AP3B1: variants seen among roughly 807,000 people sequenced by gnomAD.
AP3B1 encodes the protein adaptor related protein complex 3 subunit beta 1.
Under a neutral mutation model 132.5 loss-of-function variants are expected in AP3B1, and 61 were observed. The observed-to-expected ratio is 0.46, with a 90% CI of 0.37 to 0.57. AP3B1 has a LOEUF of 0.57. Among genes scored for constraint, AP3B1 ranks in the 20% least tolerant of loss-of-function variants. The pLI, the probability that AP3B1 is intolerant of heterozygous loss-of-function variation, is 0.00. For missense variants in AP3B1, 1,120 were observed against 1,289.4 expected, an observed-to-expected ratio of 0.87 and a Z score of 2.01; for synonymous variants, 388 against 438.3, an observed-to-expected ratio of 0.89 and a Z score of 1.43.
chr5:78,124,209 G>A (rs1468853993), intron 17 of AP3B1, among the ~76,000 whole-genome samples: 28 of 152,118 alleles, frequency 1.8e-4, no homozygotes, highest in Admixed American at 1.5e-3. Flanking sequence ...GGGGTGGGGC[G>A]AGTGGGGAGG....
chr5:78,212,117 TA>T (rs1745764843), intron 7 of AP3B1, among the ~76,000 whole-genome samples: 1 of 152,096 alleles, frequency 6.6e-6, no homozygotes, highest in South Asian at 2.1e-4. Context: ...CCATCTCTAC[TA>T]AAAATACAAA....
At chr5:78,270,577 A>G (rs1393442845) in intron 1 of AP3B1, among the ~76,000 whole-genome samples, 4 of 152,142 alleles carry the variant, frequency 2.6e-5, no homozygotes, top group Non-Finnish European at 5.9e-5. Flanking sequence ...ATAGAGAACC[A>G]CTCCAATAAA....
chr5:78,199,355 G>C (rs529249247), intron 7 of AP3B1, among the ~76,000 whole-genome samples: 1 of 151,974 alleles, frequency 6.6e-6, no homozygotes, highest in African/African-American at 2.4e-5. Flanking sequence ...TAGGTCTAAG[G>C]GTTTCAAGAC....
intron 17 of AP3B1, among the ~76,000 whole-genome samples, chr5:78,118,535 C>T (rs767040895): frequency 6.6e-6 from 1 of 152,210 alleles, no homozygotes; most frequent in African/African-American, 2.4e-5. Context: ...TATCCCACAC[C>T]TGGCTCAGAG....
intron 3 of AP3B1, among the ~76,000 whole-genome samples, chr5:78,228,682 C>T (rs1029889787): frequency 2.3e-4 from 35 of 152,136 alleles, no homozygotes; most frequent in African/African-American, 7.7e-4. Context: ...CAGAGAGACC[C>T]TACCTCTTTA....
rs1422067 is a variant in AP3B1 at position 78,129,012 on chromosome 5, C to T, written c.1837+109G>A. On this transcript the variant is annotated intron_variant, in intron 16 of 26. Transcript: ENST00000255194. Reference sequence around the variant, plus strand: ...TGCTGTTCTTATATATTTATATATGCGAATCATTTATATTTCCTAAGAGAT... The same window carrying T: ...TGCTGTTCTTATATATTTATATATGTGAATCATTTATATTTCCTAAGAGAT... The T allele has an allele frequency of 0.21, 191,879 of 908,108 alleles. 21,622 individuals are homozygous for T. The highest frequency in any genetic ancestry group is 0.28 in the Admixed American group (10,101 of 35,452). 56.3% of individuals were successfully genotyped at this position (908,108 alleles called of 1,614,324 possible). A position where few individuals can be genotyped will look rare whatever the true frequency, so the allele number is the denominator to read the frequency against.
chr5:78,083,188 GTAAA>G (rs1012512945), intron 22 of AP3B1, among the ~76,000 whole-genome samples: 4 of 152,084 alleles, frequency 2.6e-5, no homozygotes, highest in African/African-American at 9.7e-5. Context: ...TAAATAGTGA[GTAAA>G]TAAATATATT....
intron 13 of AP3B1, among the ~76,000 whole-genome samples, chr5:78,159,810 T>C (rs1339243920): frequency 1.3e-5 from 2 of 152,220 alleles, no homozygotes; most frequent in Non-Finnish European, 2.9e-5. Context: ...TTCTCCTTTA[T>C]GGTACCTCTT....
At chr5:78,249,360 G>A (rs376591922) in intron 2 of AP3B1, among the ~76,000 whole-genome samples, 44 of 152,056 alleles carry the variant, frequency 2.9e-4, no homozygotes, top group Non-Finnish European at 5.2e-4. Flanking sequence ...GTGAGACTCC[G>A]TCTCAAAAAA....
chr5:78,087,024 C>T (rs1750289700), intron 22 of AP3B1, among the ~76,000 whole-genome samples: 1 of 152,186 alleles, frequency 6.6e-6, no homozygotes, highest in South Asian at 2.1e-4. Flanking sequence ...TTCTCACATT[C>T]ATGAGTTCTA....
chr5:78,247,655 T>C (rs925939195), intron 2 of AP3B1, among the ~76,000 whole-genome samples: 3 of 152,120 alleles, frequency 2.0e-5, no homozygotes, highest in African/African-American at 7.2e-5. Context: ...TATAAATAGA[T>C]TCATCTGAAC....
Position 78,294,573 on chromosome 5 carries a change from T to A in AP3B1, c.7A>T (p.Ser3Cys), listed in dbSNP as rs1295261554. 1 of 1,614,142 alleles carries A rather than the reference T, an allele frequency of 6.2e-7. No individual in the cohort carries two copies. Among genetic ancestry groups the A allele is most frequent in the Non-Finnish European group, 8.5e-7 (1 of 1,180,044 alleles). Residue 3 changes from serine to cysteine, a missense_variant, in exon 1 of 27, where the codon AGC becomes TGC. By Grantham distance (112) the Ser-to-Cys change is moderately radical (BLOSUM62 -1). Coordinates refer to ENST00000255194, the MANE Select transcript of AP3B1 (RefSeq NM_003664.5). MS[S>C]NSFPYNEQSG... ...TGCTCATTGTAAGGAAAACTATTGC[T>A]GGACATTGCCGCGGTGCTGGCGGGT... is the stretch of plus-strand genomic sequence containing the variant.
intron 22 of AP3B1, among the ~76,000 whole-genome samples, chr5:78,049,033 C>G (rs1335436162): frequency 1.3e-5 from 2 of 152,208 alleles, no homozygotes; most frequent in African/African-American, 4.8e-5. Context: ...AGGTCAAAAA[C>G]AGTCAAACTA....
intron 6 of AP3B1, among the ~76,000 whole-genome samples, chr5:78,218,501 C>T (rs1746049995): frequency 6.6e-6 from 1 of 152,054 alleles, no homozygotes; most frequent in Admixed American, 6.6e-5. Context: ...TTGCTATGAA[C>T]TTCAGCCATT....
In AP3B1 at chr5:78,229,730, ACT is replaced by A; in HGVS notation, c.280-1493_280-1492del. ...CTCCAGCCTGGGCAACTGGAAAGAG[ACT>A]CTGTCTCAAAAATTTAAAAAATTTA... On this transcript the variant is annotated intron_variant, in intron 3 of 26. Coordinates refer to ENST00000255194, the MANE Select transcript of AP3B1 (RefSeq NM_003664.5). 2.0e-5 allele frequency among the ~76,000 whole-genome samples: 3 copies of A among 151,930 alleles called. 1 individual carries two copies. The South Asian group carries it at 6.2e-4, about 32-fold the overall frequency.
chr5:78,051,033 A>C (rs1335195386), intron 22 of AP3B1, among the ~76,000 whole-genome samples: 9 of 152,200 alleles, frequency 5.9e-5, no homozygotes, highest in African/African-American at 2.2e-4. Context: ...GAAAATAAGC[A>C]ATCAATTCTG....
At position 78,020,808 on chromosome 5, in the gene AP3B1, A is replaced by G. The variant is rs779085657; in HGVS notation, c.2895-19T>C. On this transcript the variant is annotated intron_variant, in intron 24 of 26. Transcript: ENST00000255194. ...CTTGGTACTGAAGAAAAACAATCAA[A>G]GCTGACTAAATGCTTCATAAATAAA... is the stretch of plus-strand genomic sequence containing the variant. 1 of 1,562,844 alleles carries G rather than the reference A, an allele frequency of 6.4e-7. No homozygotes were observed. Among genetic ancestry groups the G allele is most frequent in the South Asian group, 1.1e-5 (1 of 90,034 alleles).
At chr5:78,226,708 A>G (rs1440539848) in intron 5 of AP3B1, among the ~76,000 whole-genome samples, 1 of 152,124 alleles carries the variant, frequency 6.6e-6, no homozygotes, top group African/African-American at 2.4e-5. Flanking sequence ...CACCAGAAAC[A>G]GAAGAGAGTC....
rs78407084 is a variant in AP3B1, at chr5:78,203,874, G to A, written c.786+12181C>T. On this transcript the variant is annotated intron_variant, in intron 7 of 26. Transcript: ENST00000255194. ...TGCCTGTTCAAATCTGCTGTTGATTGCTACTTGTGAATACTTCATTTAAGT... is the reference window on the plus strand; with the variant it reads ...TGCCTGTTCAAATCTGCTGTTGATTACTACTTGTGAATACTTCATTTAAGT... Among the ~76,000 whole-genome samples the A allele has an allele frequency of 6.5e-3, 984 of 152,190 alleles. 48 individuals are homozygous for A. The East Asian group carries it at 0.12, about 19-fold the overall frequency.
Sources: gnomAD v4.1 joint callset for allele counts (sites outside exome capture counted in the v4.1 genomes callset) on GRCh38, gnomAD v4.1.1 for gene constraint, MANE v1.5 for transcripts, NCBI Gene and HGNC (gene_info 2026-07-23, HGNC 2026-07-21) for gene names.